The following GTF2F2 variants were observed in gnomAD, a reference collection of about 807,000 sequenced individuals.
GTF2F2 encodes the protein general transcription factor IIF subunit 2, also known as ATP-dependent helicase GTF2F2.
A neutral mutation model predicts 42.2 loss-of-function variants in GTF2F2; 23 were observed. The observed-to-expected ratio is 0.55, with a 90% CI of 0.39 to 0.77. The LOEUF (loss-of-function observed/expected upper bound fraction) is 0.77. GTF2F2 is among the 30% of genes least tolerant of loss of function. GTF2F2 has a pLI of 0.00. For synonymous variants in GTF2F2, 105 were observed against 100.8 expected (o/e 1.04, Z -0.25); for missense variants, 261 against 287.2 (o/e 0.91, Z 0.66).
rs1385397367 is a variant in GTF2F2 at position 45,284,519 on chromosome 13, C to T, written c.*958C>T. 6.6e-6 allele frequency: 1 copy of T among 152,010 alleles called. No individual in the cohort carries two copies. Among genetic ancestry groups the T allele is most frequent in the African/African-American group, 2.4e-5 (1 of 41,396 alleles). The allele number at this position is 152,010 out of a possible 1,614,324, so 9.4% of individuals were successfully genotyped here. ...AACACAATATTATATATTAAGCGAT[C>T]CAAAATCATACTGTCAAGACCATCA... is the stretch of plus-strand genomic sequence containing the variant. On this transcript the variant is annotated 3_prime_UTR_variant, in exon 8 of 8. Coordinates refer to ENST00000340473, the MANE Select transcript of GTF2F2 (RefSeq NM_004128.3).
At chr13:45,124,088 A>G (rs921401303) in intron 1 of GTF2F2, 7 of 891,010 alleles carry the variant, frequency 7.9e-6, no homozygotes, top group Non-Finnish European at 1.3e-5. Context: ...TTACCAGGAA[A>G]TGAACTTGAC....
intron 7 of GTF2F2, among the ~76,000 whole-genome samples, chr13:45,271,499 C>T (rs1876791568): frequency 6.6e-6 from 1 of 151,956 alleles, no homozygotes; most frequent in South Asian, 2.1e-4. Flanking sequence ...TCTTCTGCCT[C>T]ATCCTTCTGA....
At chr13:45,174,634 C>CTTTTTTTTTTT (rs397950608) in intron 4 of GTF2F2, among the ~76,000 whole-genome samples, 2 of 81,460 alleles carry the variant, frequency 2.5e-5, no homozygotes, top group Non-Finnish European at 5.2e-5. Context: ...TTTCTTTTTT[C>CTTTTTTTTTTT]TTTTTTTTTT....
chr13:45,181,173 C>CAAAAAAA (rs796598856), intron 4 of GTF2F2, among the ~76,000 whole-genome samples: 2 of 82,308 alleles, frequency 2.4e-5, no homozygotes, highest in Non-Finnish European at 5.1e-5. Context: ...TCTCAAAAGA[C>CAAAAAAA]AAAAAAACAA....
chr13:45,272,797 C>G (rs1039766080), intron 7 of GTF2F2, among the ~76,000 whole-genome samples: 1 of 149,698 alleles, frequency 6.7e-6, no homozygotes, highest in Non-Finnish European at 1.5e-5. Context: ...CTGGAGTGCT[C>G]AAAGCTCCAT....
intron 4 of GTF2F2, among the ~76,000 whole-genome samples, chr13:45,204,186 A>G (rs770805688): frequency 2.9e-4 from 44 of 152,280 alleles, no homozygotes; most frequent in Non-Finnish European, 4.9e-4. Flanking sequence ...GTGTATATTT[A>G]TGGTATATAA....
At chr13:45,142,673 A>T (rs1489916638) in intron 2 of GTF2F2, among the ~76,000 whole-genome samples, 1 of 152,212 alleles carries the variant, frequency 6.6e-6, no homozygotes, top group African/African-American at 2.4e-5. Flanking sequence ...TAGTACCCTA[A>T]GACTGCTATG....
chr13:45,121,140 C>T (rs981586152), intron 1 of GTF2F2, among the ~76,000 whole-genome samples: 1 of 152,122 alleles, frequency 6.6e-6, no homozygotes, highest in Non-Finnish European at 1.5e-5. Context: ...AGGACTGGTC[C>T]CTGCCTACTC....
intron 4 of GTF2F2, among the ~76,000 whole-genome samples, chr13:45,187,068 T>G (rs949107790): frequency 2.0e-5 from 3 of 152,192 alleles, no homozygotes; most frequent in Admixed American, 6.5e-5. Flanking sequence ...TATTTTATAA[T>G]ATGGAGTAGG....
At chr13:45,186,044 G>A (rs1303263636) in intron 4 of GTF2F2, among the ~76,000 whole-genome samples, 1 of 151,372 alleles carries the variant, frequency 6.6e-6, no homozygotes, top group East Asian at 1.9e-4. Flanking sequence ...GCACGATCTC[G>A]GCTCACTGCA....
At chr13:45,272,722 G>T (rs1266192249) in intron 7 of GTF2F2, among the ~76,000 whole-genome samples, 3 of 149,460 alleles carry the variant, frequency 2.0e-5, no homozygotes, top group Non-Finnish European at 3.0e-5. Flanking sequence ...TCCAGCCTGG[G>T]TGACAGAGCG....
At chr13:45,137,041 T>C (rs1488228475) in intron 2 of GTF2F2, among the ~76,000 whole-genome samples, 2 of 152,090 alleles carry the variant, frequency 1.3e-5, no homozygotes, top group Non-Finnish European at 2.9e-5. Context: ...TAATATCAAG[T>C]TTATTGGTTT....
intron 5 of GTF2F2, among the ~76,000 whole-genome samples, chr13:45,211,365 ATT>A (rs1053518430): frequency 6.9e-6 from 1 of 144,148 alleles, no homozygotes; most frequent in Non-Finnish European, 1.5e-5. Context: ...GAGGCTCAAA[ATT>A]TTTTTTGTTT....
intron 5 of GTF2F2, among the ~76,000 whole-genome samples, chr13:45,240,619 G>A (rs1875241278): frequency 6.6e-6 from 1 of 152,110 alleles, no homozygotes; most frequent in Admixed American, 6.6e-5. Flanking sequence ...CCTGAGGTCA[G>A]GAGTTTGAGA....
intron 1 of GTF2F2, among the ~76,000 whole-genome samples, chr13:45,122,117 A>G (rs897229763): frequency 6.6e-6 from 1 of 152,174 alleles, no homozygotes; most frequent in African/African-American, 2.4e-5. Context: ...AACAGAGAGA[A>G]CCTAGAGCAG....
At chr13:45,274,238 T>C (rs369090381) in intron 7 of GTF2F2, among the ~76,000 whole-genome samples, 20 of 152,188 alleles carry the variant, frequency 1.3e-4, no homozygotes, top group East Asian at 3.9e-4. Flanking sequence ...ATAATAAAAA[T>C]AGTCATCTTA....
intron 4 of GTF2F2, among the ~76,000 whole-genome samples, chr13:45,155,290 G>A (rs1472042331): frequency 6.6e-6 from 1 of 152,102 alleles, no homozygotes; most frequent in African/African-American, 2.4e-5. Context: ...AATGAAGTAG[G>A]CATTATCTGG....
At chr13:45,123,193 A>G (rs1413691446) in intron 1 of GTF2F2, 1 of 152,422 alleles carries the variant, frequency 6.6e-6, no homozygotes, top group Non-Finnish European at 1.5e-5. Context: ...TTCCTCCCAC[A>G]CTGCTCCATG....
At chr13:45,219,689 CTG>C (rs972608543) in intron 5 of GTF2F2, 6 of 152,138 alleles carry the variant, frequency 3.9e-5, no homozygotes, top group African/African-American at 1.2e-4. Context: ...ATCTCTAATG[CTG>C]TGTGTGGGTA....
Sources: allele counts gnomAD v4.1 joint callset (sites outside exome capture counted in the v4.1 genomes callset), GRCh38; gene constraint gnomAD v4.1.1; transcripts MANE v1.5; gene names NCBI Gene and HGNC (gene_info 2026-07-23, HGNC 2026-07-21).